PODXL2: variants seen among roughly 807,000 people sequenced by gnomAD.
PODXL2 encodes podocalyxin like 2.
A neutral mutation model predicts 53.4 loss-of-function variants in PODXL2; 17 were observed. The ratio of observed to expected loss-of-function variants is 0.32; its 90% CI spans 0.22 to 0.48. PODXL2 has a LOEUF of 0.48. PODXL2 is among the 20% of genes least tolerant of loss of function. The probability of loss-of-function intolerance (pLI) is 0.99; values close to 1 mark genes in which losing one functional copy is unlikely to be tolerated. For missense variants in PODXL2, 673 were observed against 760.0 expected (o/e 0.89, Z 1.35); for synonymous variants, 311 against 306.7 (o/e 1.01, Z -0.15).
intron 2 of PODXL2, among the ~76,000 whole-genome samples, chr3:127,652,277 C>A (rs2074694209): frequency 6.6e-6 from 1 of 152,188 alleles, no homozygotes. Context: ...TGTAAAATCC[C>A]TGAGTCTGGG....
intron 2 of PODXL2, among the ~76,000 whole-genome samples, chr3:127,640,662 C>A (rs1226618946): frequency 6.6e-6 from 1 of 151,784 alleles, no homozygotes; most frequent in East Asian, 1.9e-4. Context: ...GATCGCACCA[C>A]TGCTCTCCAG....
intron 4 of PODXL2, among the ~76,000 whole-genome samples, chr3:127,665,393 A>G (rs1160767161): frequency 2.0e-5 from 3 of 152,258 alleles, no homozygotes; most frequent in African/African-American, 4.8e-5. Flanking sequence ...CGATGGAACT[A>G]CAGGAGTTCC....
At chr3:127,633,402 G>C (rs1161716517) in intron 1 of PODXL2, among the ~76,000 whole-genome samples, 4 of 151,954 alleles carry the variant, frequency 2.6e-5, no homozygotes, top group African/African-American at 9.7e-5. Context: ...CTATTAACTA[G>C]CTGTTTGACC....
intron 2 of PODXL2, among the ~76,000 whole-genome samples, chr3:127,646,481 AG>A (rs767418183): frequency 2.6e-5 from 4 of 151,440 alleles, no homozygotes; most frequent in Non-Finnish European, 4.4e-5. Context: ...TCCGCCTCCC[AG>A]GTTCAAGTGA....
chr3:127,664,417 C>A (rs1393305855), intron 4 of PODXL2, among the ~76,000 whole-genome samples: 1 of 151,872 alleles, frequency 6.6e-6, no homozygotes, highest in African/African-American at 2.4e-5. Flanking sequence ...TGGACACTTG[C>A]ATTGCTTCCA....
intron 2 of PODXL2, among the ~76,000 whole-genome samples, chr3:127,654,862 G>A (rs532863622): frequency 1.8e-4 from 27 of 152,266 alleles, no homozygotes; most frequent in East Asian, 1.9e-4. Context: ...CAAGGTGGGC[G>A]AATCCACCTG....
chr3:127,635,912 G>A (rs181735757), intron 1 of PODXL2, among the ~76,000 whole-genome samples: 7 of 152,322 alleles, frequency 4.6e-5, no homozygotes, highest in Admixed American at 2.0e-4. Flanking sequence ...GGTCTTGTCT[G>A]GCTCTCTCAC....
At chr3:127,664,132 A>G (rs1229503819) in intron 4 of PODXL2, among the ~76,000 whole-genome samples, 1 of 152,146 alleles carries the variant, frequency 6.6e-6, no homozygotes, top group African/African-American at 2.4e-5. Flanking sequence ...TACCCATTAA[A>G]TGACTACCTG....
rs935018434 is a variant in PODXL2 at position 127,672,603 on chromosome 3, G to A, written c.*123G>A. On this transcript the variant is annotated 3_prime_UTR_variant, in exon 8 of 8. Transcript: ENST00000342480. ...GGCCGCCCCCGCGGCCTGGCCCTCG[G>A]CGCGGGCTCCTTCCCGCTTCCCCCG... 7 of 591,328 alleles carry A rather than the reference G, an allele frequency of 1.2e-5. No homozygotes were observed. In the African/African-American group the frequency reaches 1.4e-4, roughly 12 times the overall value. The allele number at this position is 591,328 out of a possible 1,614,324, so 36.6% of individuals were successfully genotyped here.
chr3:127,660,205 C>T (rs919581633), intron 2 of PODXL2, among the ~76,000 whole-genome samples, 173 bp from the exon 3 acceptor site: 1 of 152,180 alleles, frequency 6.6e-6, no homozygotes, highest in African/African-American at 2.4e-5. Context: ...GAAACAGTGA[C>T]TAGCCTTGTC....
chr3:127,663,620 A>T (rs941714799), intron 4 of PODXL2, among the ~76,000 whole-genome samples: 3 of 152,208 alleles, frequency 2.0e-5, no homozygotes, highest in African/African-American at 7.2e-5. Flanking sequence ...GATGCTCAAT[A>T]CCTCATCTTT....
At chr3:127,644,669 T>C (rs1360096273) in intron 2 of PODXL2, among the ~76,000 whole-genome samples, 1 of 152,190 alleles carries the variant, frequency 6.6e-6, no homozygotes, top group Non-Finnish European at 1.5e-5. Context: ...CTAGGTCTCA[T>C]AAGAATAAAA....
intron 2 of PODXL2, among the ~76,000 whole-genome samples, chr3:127,658,256 G>A (rs1338580425): frequency 6.6e-6 from 1 of 152,070 alleles, no homozygotes; most frequent in Non-Finnish European, 1.5e-5. Context: ...TTTTATTACA[G>A]GGAATCAATT....
At chr3:127,633,315 TAA>T (rs1271435236) in intron 1 of PODXL2, among the ~76,000 whole-genome samples, 5 of 152,248 alleles carry the variant, frequency 3.3e-5, no homozygotes, top group African/African-American at 1.2e-4. Flanking sequence ...GCCCCACAAG[TAA>T]TAGCTTTCCA....
chr3:127,657,444 C>A (rs1424289879), intron 2 of PODXL2, among the ~76,000 whole-genome samples: 1 of 152,216 alleles, frequency 6.6e-6, no homozygotes, highest in Non-Finnish European at 1.5e-5. Context: ...CTATTAATGG[C>A]TTGGCTACTC....
chr3:127,654,054 G>A (rs943372530), intron 2 of PODXL2, among the ~76,000 whole-genome samples: 1 of 152,106 alleles, frequency 6.6e-6, no homozygotes, highest in Non-Finnish European at 1.5e-5. Flanking sequence ...TCCCAGTAGT[G>A]TCTTTTATAG....
Position 127,639,329 on chromosome 3 carries a change from T to A in PODXL2, c.155T>A (p.Leu52Gln), listed in dbSNP as rs2074599244. The change falls in exon 2 of 8, where the codon CTG becomes CAG. Residue 52 changes from leucine (L) to glutamine (Q), a missense_variant. By Grantham distance (113) the Leu-to-Gln change is moderately radical (BLOSUM62 -2). Around this residue, in one of 3 missense-constraint regions of PODXL2, gnomAD observed 588 missense variants for 668.3 expected, o/e 0.88. Coordinates refer to ENST00000342480, the MANE Select transcript of PODXL2 (RefSeq NM_015720.4). ...LTSTSLLDLL[L>Q]PTGLEPLDSE... is the part of the protein sequence containing the mutation. ...TCCACCTCCCTGCTAGACCTCCTGCTGCCCACTGGCTTGGAGCCACTGGAC... is the reference window on the plus strand; with the variant it reads ...TCCACCTCCCTGCTAGACCTCCTGCAGCCCACTGGCTTGGAGCCACTGGAC... The A allele has an allele frequency of 6.2e-7, 1 of 1,614,060 alleles. No individual in the cohort carries two copies. The highest frequency in any genetic ancestry group is 8.5e-7 in the Non-Finnish European group (1 of 1,180,040).
chr3:127,649,114 C>G (rs1248659702), intron 2 of PODXL2, among the ~76,000 whole-genome samples: 1 of 150,946 alleles, frequency 6.6e-6, no homozygotes, highest in Non-Finnish European at 1.5e-5. Flanking sequence ...TTTTTTTTTC[C>G]TTTATAGGAC....
At chr3:127,656,475 G>T (rs772127043) in intron 2 of PODXL2, among the ~76,000 whole-genome samples, 1 of 152,008 alleles carries the variant, frequency 6.6e-6, no homozygotes, top group African/African-American at 2.4e-5. Context: ...GGTGGTTCAC[G>T]CCTGTAATCC....
Sources: allele counts gnomAD v4.1 joint callset (sites outside exome capture counted in the v4.1 genomes callset), GRCh38; gene constraint gnomAD v4.1.1; regional missense constraint gnomAD v4.1.1; transcripts MANE v1.5; gene names NCBI Gene and HGNC (gene_info 2026-07-23, HGNC 2026-07-21).